The following COPS4 variants were observed in gnomAD, a reference collection of about 807,000 sequenced individuals.
The protein encoded by COPS4 is COP9 signalosome complex subunit 4.
COPS4 carries 8 observed loss-of-function variants against 55.1 expected under a neutral mutation model. That is an observed-to-expected ratio of 0.15 (90% CI 0.09 to 0.26). The LOEUF (loss-of-function observed/expected upper bound fraction) is 0.26. COPS4 is among the 10% of genes least tolerant of loss of function. The pLI is 1.00. For synonymous variants in COPS4, 185 were observed against 165.7 expected (o/e 1.12, Z -0.90); for missense variants, 248 against 484.0 (o/e 0.51, Z 4.58).
At chr4:83,038,305 A>G (rs1333433682) in intron 1 of COPS4, among the ~76,000 whole-genome samples, 2 of 152,258 alleles carry the variant, frequency 1.3e-5, no homozygotes, top group East Asian at 3.8e-4. Context: ...AGTAGGTGAT[A>G]GTAGTGATAT....
chr4:83,059,818 TC>T lies in COPS4; in HGVS notation c.715+2413del, dbSNP rs1731111741. ...TTCATGCCATTCTCCCGCCTCAGCC[TC>T]CCGAGTGAGTAGCTGGGACTGCAGG... is the stretch of plus-strand genomic sequence containing the variant. On this transcript the variant is annotated intron_variant, in intron 6 of 9. Coordinates refer to ENST00000264389, the MANE Select transcript of COPS4 (RefSeq NM_016129.3). Among the ~76,000 whole-genome samples the T allele has an allele frequency of 2.2e-3, 3 of 1,344 alleles. No individual in the cohort carries two copies. In the Non-Finnish European group the frequency reaches 0.028, roughly 12 times the overall value. 0.9% of individuals were successfully genotyped at this position (1,344 alleles called of 152,430 possible).
intron 1 of COPS4, among the ~76,000 whole-genome samples, chr4:83,041,827 T>C (rs1344767992): frequency 6.6e-6 from 1 of 151,894 alleles, no homozygotes; most frequent in African/African-American, 2.4e-5. Flanking sequence ...TATTGTTCAG[T>C]TTTATCATAA....
At chr4:83,044,038 T>A (rs1730638147) in intron 1 of COPS4, among the ~76,000 whole-genome samples, 2 of 152,256 alleles carry the variant, frequency 1.3e-5, no homozygotes, top group African/African-American at 4.8e-5. Flanking sequence ...GTCATAAATC[T>A]GAATGAGTTC....
chr4:83,058,965 T>A (rs1224131293), intron 6 of COPS4, among the ~76,000 whole-genome samples: 1 of 152,250 alleles, frequency 6.6e-6, no homozygotes, highest in East Asian at 1.9e-4. Flanking sequence ...CACATTCTTT[T>A]ATCTTTTCTG....
chr4:83,063,422 CAG>C (rs1731216432), intron 7 of COPS4, among the ~76,000 whole-genome samples, 176 bp downstream of exon 7: 1 of 150,078 alleles, frequency 6.7e-6, no homozygotes, highest in South Asian at 2.1e-4. Flanking sequence ...TTTTTTGAGA[CAG>C]AGTCTTGCTC....
chr4:83,041,048 GT>G (rs796336355), intron 1 of COPS4, among the ~76,000 whole-genome samples: 22 of 138,486 alleles, frequency 1.6e-4, no homozygotes, highest in Non-Finnish European at 2.4e-4. Context: ...TCCTCCATAA[GT>G]TTTTTTTTTT....
chr4:83,055,363 A>G (rs965038312), intron 4 of COPS4, among the ~76,000 whole-genome samples: 2 of 152,166 alleles, frequency 1.3e-5, no homozygotes, highest in Admixed American at 1.3e-4. Context: ...ATATATTTTA[A>G]TAGTGTTTTA....
At chr4:83,047,870 G>A (rs1028048739) in intron 2 of COPS4, among the ~76,000 whole-genome samples, 15 of 152,088 alleles carry the variant, frequency 9.9e-5, no homozygotes, top group Middle Eastern at 3.4e-3. Flanking sequence ...GCGTGGTGGC[G>A]GGTGCCTGTA....
intron 6 of COPS4, among the ~76,000 whole-genome samples, chr4:83,060,118 A>G (rs1228541869): frequency 6.6e-6 from 1 of 152,016 alleles, no homozygotes; most frequent in African/African-American, 2.4e-5. Flanking sequence ...AAAGACAAGC[A>G]CATTTTAATC....
chr4:83,070,432 A>G (rs1382163581), intron 9 of COPS4, among the ~76,000 whole-genome samples: 1 of 152,164 alleles, frequency 6.6e-6, no homozygotes, highest in Admixed American at 6.5e-5. Context: ...CATATCAAAA[A>G]CTGAATTTAT....
chr4:83,060,792 T>C (rs930932238), intron 6 of COPS4, among the ~76,000 whole-genome samples: 3 of 151,618 alleles, frequency 2.0e-5, no homozygotes, highest in Non-Finnish European at 4.4e-5. Flanking sequence ...CCCAGCACTT[T>C]TGGGAGGCCG....
At chr4:83,045,747 G>A in intron 2 of COPS4, 42 bp downstream of exon 2, 1 of 1,366,288 alleles carries the variant, frequency 7.3e-7, no homozygotes, top group Non-Finnish European at 1.0e-6. Flanking sequence ...GTATTACTGA[G>A]CTAGGACTTT....
chr4:83,061,543 T>C lies in COPS4; in HGVS notation c.716-1533T>C, dbSNP rs186917237. On this transcript the variant is annotated intron_variant, in intron 6 of 9. Transcript: ENST00000264389. The stretch of plus-strand genomic sequence containing the variant: ...GTTATTTAGTATTCCATTGTATGAA[T>C]ATACCACAATTCATTTATCTTAATT... Among the ~76,000 whole-genome samples, 80 of 152,360 alleles carry C rather than the reference T, an allele frequency of 5.3e-4. 1 individual carries two copies. The highest frequency in any genetic ancestry group is 5.2e-3 in the Admixed American group (80 of 15,302).
At chr4:83,073,992 C>T (rs1731504360) in intron 9 of COPS4, among the ~76,000 whole-genome samples, 1 of 151,820 alleles carries the variant, frequency 6.6e-6, no homozygotes, top group Admixed American at 6.6e-5. Flanking sequence ...TGCTTTTTCA[C>T]TAAATATGTG....
At chr4:83,040,724 A>AT (rs33940832) in intron 1 of COPS4, among the ~76,000 whole-genome samples, 350 of 114,190 alleles carry the variant, frequency 3.1e-3, no homozygotes, top group East Asian at 0.013. Flanking sequence ...ATGCAATTAC[A>AT]TTTTTTTTTT....
At chr4:83,058,297 A>G (rs1165432537) in intron 6 of COPS4, among the ~76,000 whole-genome samples, 2 of 152,202 alleles carry the variant, frequency 1.3e-5, no homozygotes, top group Admixed American at 1.3e-4. Flanking sequence ...TGCTTACTAC[A>G]GCCTCAATCT....
intron 1 of COPS4, 103 bp from the exon 2 acceptor site, chr4:83,045,523 A>G (rs970522031): frequency 3.7e-5 from 33 of 883,366 alleles, no homozygotes; most frequent in Non-Finnish European, 5.4e-5. Flanking sequence ...CTATAGTACT[A>G]TGAAAGAAAC....
At chr4:83,036,263 C>T (rs992883718) in intron 1 of COPS4, among the ~76,000 whole-genome samples, 1 of 151,446 alleles carries the variant, frequency 6.6e-6, no homozygotes, top group Middle Eastern at 3.2e-3. Flanking sequence ...GTGAGACCCC[C>T]CCCCCCGCCG....
Position 83,047,739 on chromosome 4 carries a change from G to A in COPS4, c.155-1427G>A, listed in dbSNP as rs142572762. ...ATAATTGGCCGGGGCCATGGCTTAC[G>A]CCTGTAGTCCCAGCACTTTGGGAGA... On this transcript the variant is annotated intron_variant, in intron 2 of 9. Transcript: ENST00000264389. Among the ~76,000 whole-genome samples, 95 of 152,280 alleles carry A rather than the reference G, an allele frequency of 6.2e-4. 2 individuals carry two copies. In the East Asian group the frequency reaches 0.016, roughly 25 times the overall value.
Sources: allele counts gnomAD v4.1 joint callset (sites outside exome capture counted in the v4.1 genomes callset), GRCh38; gene constraint gnomAD v4.1.1; transcripts MANE v1.5; gene names NCBI Gene and HGNC (gene_info 2026-07-23, HGNC 2026-07-21).